Variants in WSCD2 observed in about 807,000 individuals in gnomAD.
WSCD2 encodes the protein WSC domain sialate O sulfotransferase 2.
Under a neutral mutation model 55.7 loss-of-function variants are expected in WSCD2, and 28 were observed. The ratio of observed to expected loss-of-function variants is 0.50; its 90% CI spans 0.37 to 0.69. WSCD2 has a LOEUF of 0.69. Among genes scored for constraint, WSCD2 ranks in the 30% least tolerant of loss-of-function variants. The pLI, the probability that WSCD2 is intolerant of heterozygous loss-of-function variation, is 0.00. For missense variants in WSCD2, 616 were observed against 762.1 expected, an observed-to-expected ratio of 0.81 and a Z score of 2.26; for synonymous variants, 301 against 301.9, an observed-to-expected ratio of 1.00 and a Z score of 0.03.
At chr12:108,211,818 TA>T (rs1886223056) in intron 4 of WSCD2, among the ~76,000 whole-genome samples, 1 of 56,544 alleles carries the variant, frequency 1.8e-5, no homozygotes, top group African/African-American at 5.5e-5. Context: ...CATGCCTGGC[TA>T]ATTTTTTTTT....
At chr12:108,208,334 T>A (rs953234658) in intron 3 of WSCD2, among the ~76,000 whole-genome samples, 1 of 152,186 alleles carries the variant, frequency 6.6e-6, no homozygotes, top group African/African-American at 2.4e-5. Context: ...AAGACCCCTA[T>A]GAGGCAGGAA....
intron 2 of WSCD2, among the ~76,000 whole-genome samples, chr12:108,197,416 A>G (rs1339318336): frequency 6.6e-6 from 1 of 152,084 alleles, no homozygotes; most frequent in Non-Finnish European, 1.5e-5. Flanking sequence ...GAGGCAAAGG[A>G]GATGTTGGAA....
intron 1 of WSCD2, among the ~76,000 whole-genome samples, chr12:108,139,158 C>G (rs1346844812): frequency 6.6e-6 from 1 of 152,186 alleles, no homozygotes; most frequent in Non-Finnish European, 1.5e-5. Flanking sequence ...AGCTTACCAC[C>G]TTAGGAAAGA....
chr12:108,152,122 G>A (rs1020278325), intron 1 of WSCD2, among the ~76,000 whole-genome samples: 14 of 152,228 alleles, frequency 9.2e-5, no homozygotes, highest in African/African-American at 3.4e-4. Context: ...GAGGAAACCC[G>A]AGGAAGGGCC....
At position 108,250,476 on chromosome 12, in the gene WSCD2, T is replaced by C. The variant is rs56167194; in HGVS notation, c.*2133T>C. On this transcript the variant is annotated 3_prime_UTR_variant, in exon 9 of 9. Coordinates refer to ENST00000547525, the MANE Select transcript of WSCD2 (RefSeq NM_014653.4). The stretch of plus-strand genomic sequence containing the variant: ...GACCATCTTATTTGTAATGAGTCTG[T>C]GCAGGTCCTTGTGTATGGAATTGCA... 0.081 allele frequency: 12,261 copies of C among 152,256 alleles called. 758 individuals carry two copies. The highest frequency in any genetic ancestry group is 0.17 in the African/African-American group (7,164 of 41,486). 9.4% of individuals were successfully genotyped at this position (152,256 alleles called of 1,614,324 possible).
chr12:108,209,641 C>A (rs1327998771), intron 3 of WSCD2, among the ~76,000 whole-genome samples: 2 of 151,870 alleles, frequency 1.3e-5, no homozygotes, highest in Non-Finnish European at 2.9e-5. Flanking sequence ...CCTCTAGGGG[C>A]CTCCCTGTAT....
rs142453438 is a variant in WSCD2 at position 108,172,620 on chromosome 12, T to C, written c.-551-22662T>C. Among the ~76,000 whole-genome samples the C allele has an allele frequency of 2.2e-3, 339 of 151,784 alleles. 1 individual carries two copies. The highest frequency in any genetic ancestry group is 7.5e-3 in the African/African-American group (311 of 41,396). ...TGCCACGTGAAGACAGAGAAAAAAA[T>C]TGGGGTTACACCTCTACAAGTTGGC... On this transcript the variant is annotated intron_variant, in intron 1 of 8. Transcript: ENST00000547525.
At chr12:108,152,644 G>C (rs565474418) in intron 1 of WSCD2, among the ~76,000 whole-genome samples, 1 of 152,216 alleles carries the variant, frequency 6.6e-6, no homozygotes, top group Non-Finnish European at 1.5e-5. Flanking sequence ...GCCTTTGGAG[G>C]CCAGGTGGGT....
In WSCD2 at chr12:108,195,861, G is replaced by A. The variant is rs772935405; in HGVS notation, c.29G>A (p.Arg10Gln). 22 of 1,613,416 alleles carry A rather than the reference G, an allele frequency of 1.4e-5. No individual in the cohort carries two copies. Among genetic ancestry groups the A allele is most frequent in the Middle Eastern group, 1.7e-4 (1 of 6,056 alleles). Residue 10 changes from arginine to glutamine, a missense_variant, in exon 2 of 9, where the codon CGG becomes CAG. This residue lies in a region of WSCD2 where 374 missense variants were observed against 467.4 expected (regional missense o/e 0.80). Coordinates refer to ENST00000547525, the MANE Select transcript of WSCD2 (RefSeq NM_014653.4). ...GCCAAGCTCTGGTTCAAATTCCAGC[G>A]GTACTTCCGCCGGAAACCTGTGCGC... MAKLWFKFQ[R>Q]YFRRKPVRFF...
chr12:108,166,904 C>G (rs910422507), intron 1 of WSCD2, among the ~76,000 whole-genome samples: 1 of 151,092 alleles, frequency 6.6e-6, no homozygotes, highest in Non-Finnish European at 1.5e-5. Flanking sequence ...CTCCGCCTCC[C>G]GGATCCAAGT....
chr12:108,135,021 T>C (rs138560841), intron 1 of WSCD2, among the ~76,000 whole-genome samples: 129 of 152,268 alleles, frequency 8.5e-4, no homozygotes, highest in African/African-American at 3.0e-3. Flanking sequence ...CATTTGACAT[T>C]TCCCCCCTTC....
Position 108,206,149 on chromosome 12 carries a change from C to G in WSCD2, c.383-140C>G, listed in dbSNP as rs561909437. On this transcript the variant is annotated intron_variant, in intron 2 of 8. Coordinates refer to ENST00000547525, the MANE Select transcript of WSCD2 (RefSeq NM_014653.4). Reference sequence around the variant, plus strand: ...TCTGCCAAGACAAATGACTTTCACTCTCTCATTTCTGCCCAAAGGAAGGAC... The same window carrying G: ...TCTGCCAAGACAAATGACTTTCACTGTCTCATTTCTGCCCAAAGGAAGGAC... 1.4e-5 allele frequency: 10 copies of G among 699,272 alleles called. 1 individual carries two copies. Among genetic ancestry groups the G allele is most frequent in the South Asian group, 8.9e-5 (5 of 55,984 alleles). The allele number at this position is 699,272 out of a possible 1,614,324, so 43.3% of individuals were successfully genotyped here. A position where few individuals can be genotyped will look rare whatever the true frequency, so the allele number is the denominator to read the frequency against.
In WSCD2 at chr12:108,248,402, C is replaced by G. The variant is rs1890237019; in HGVS notation, c.*59C>G. ...CCTGACCACGCAGGCCCTGGGGACT[C>G]AAGACCCCTGGTTACCCCCACTCAT... On this transcript the variant is annotated 3_prime_UTR_variant, in exon 9 of 9. Coordinates refer to ENST00000547525, the MANE Select transcript of WSCD2 (RefSeq NM_014653.4). This position sits in a 1 kb window ranked among gnomAD's most constrained non-coding sequence, Gnocchi z 4.3. 2 of 1,552,120 alleles carry G rather than the reference C, an allele frequency of 1.3e-6. No homozygotes were observed. Among genetic ancestry groups the G allele is most frequent in the South Asian group, 1.2e-5 (1 of 80,806 alleles).
intron 1 of WSCD2, among the ~76,000 whole-genome samples, chr12:108,160,300 A>G (rs1878932564): frequency 6.6e-6 from 1 of 152,230 alleles, no homozygotes; most frequent in Admixed American, 6.5e-5. Flanking sequence ...AGGATAGGAT[A>G]TGACAAGATA....
rs1471122140 is a variant in WSCD2, at chr12:108,248,421, C to A, written c.*78C>A. ...GGGACTCAAGACCCCTGGTTACCCC[C>A]ACTCATCTGTCCTCTCTTTGGTCTG... On this transcript the variant is annotated 3_prime_UTR_variant, in exon 9 of 9. Coordinates refer to ENST00000547525, the MANE Select transcript of WSCD2 (RefSeq NM_014653.4). The surrounding 1 kb of genome is among the most constrained non-coding windows in gnomAD (Gnocchi z 4.3). 1.3e-5 allele frequency: 20 copies of A among 1,516,896 alleles called. No homozygotes were observed. Among genetic ancestry groups the A allele is most frequent in the Non-Finnish European group, 1.7e-5 (19 of 1,131,450 alleles). The allele number at this position is 1,516,896 out of a possible 1,614,324, so 94.0% of individuals were successfully genotyped here. A position where few individuals can be genotyped will look rare whatever the true frequency, so the allele number is the denominator to read the frequency against.
chr12:108,238,392 G>A (rs1593117401), intron 7 of WSCD2, among the ~76,000 whole-genome samples: 3 of 152,324 alleles, frequency 2.0e-5, no homozygotes, highest in Middle Eastern at 6.8e-3. Flanking sequence ...GGCCATGTGA[G>A]AAAGGCTGCA....
At chr12:108,166,236 G>A (rs942011087) in intron 1 of WSCD2, among the ~76,000 whole-genome samples, 2 of 152,148 alleles carry the variant, frequency 1.3e-5, no homozygotes, top group Non-Finnish European at 2.9e-5. Context: ...TTGTGCAGTG[G>A]GATGATCATA....
intron 8 of WSCD2, among the ~76,000 whole-genome samples, chr12:108,240,977 A>C (rs1889698003): frequency 6.6e-6 from 1 of 152,178 alleles, no homozygotes; most frequent in African/African-American, 2.4e-5. Context: ...GGCACTGGAG[A>C]TGCTCATGAA....
At chr12:108,146,757 C>A (rs1357413182) in intron 1 of WSCD2, among the ~76,000 whole-genome samples, 1 of 152,176 alleles carries the variant, frequency 6.6e-6, no homozygotes, top group Non-Finnish European at 1.5e-5. Context: ...CCTTGACCTC[C>A]CTTTCTGCAC....
Sources: allele counts gnomAD v4.1 joint callset (sites outside exome capture counted in the v4.1 genomes callset), GRCh38; gene constraint gnomAD v4.1.1; regional missense constraint gnomAD v4.1.1; non-coding constraint Gnocchi (gnomAD v3.1); transcripts MANE v1.5; gene names NCBI Gene and HGNC (gene_info 2026-07-23, HGNC 2026-07-21).